Variants in GARNL3 observed in about 807,000 individuals in gnomAD.
The protein encoded by GARNL3 is GTPase-activating Rap/Ran-GAP domain-like protein 3.
GARNL3 carries 63 observed loss-of-function variants against 125.0 expected under a neutral mutation model. The ratio of observed to expected loss-of-function variants is 0.50; its 90% CI spans 0.41 to 0.62. GARNL3 has a LOEUF of 0.62. GARNL3 is among the 20% of genes least tolerant of loss of function. The probability of loss-of-function intolerance (pLI) is 0.00; values close to 1 mark genes in which losing one functional copy is unlikely to be tolerated. For synonymous variants in GARNL3, 439 were observed against 457.5 expected (o/e 0.96, Z 0.52); for missense variants, 994 against 1,244.0 (o/e 0.80, Z 3.02).
rs150936169 is a variant in GARNL3, at chr9:127,385,120, C to T, written c.2363C>T (p.Pro788Leu). The part of the protein sequence containing the change: ...NGNLVHTAVV[P>L]QLQLVASRSD... ...AACCTGGTCCACACTGCAGTCGTGC[C>T]GCAGCTGCAGCTGGTGGCCTCCAGG... The change falls in exon 24 of 28, where the codon CCG (proline) becomes CTG (leucine). Residue 788 changes from proline (P) to leucine (L), a missense_variant. Pro to Leu is a moderately conservative substitution (Grantham distance 98). Around this residue, in one of 5 missense-constraint regions of GARNL3, gnomAD observed 728 missense variants for 865.7 expected, o/e 0.84. Coordinates refer to ENST00000373387, the MANE Select transcript of GARNL3 (RefSeq NM_032293.5). This position sits in a 1 kb window ranked among gnomAD's most constrained non-coding sequence, Gnocchi z 4.1. 27 of 1,607,180 alleles carry T rather than the reference C, an allele frequency of 1.7e-5. No homozygotes were observed. Among genetic ancestry groups the T allele is most frequent in the Non-Finnish European group, 2.2e-5 (26 of 1,175,990 alleles).
chr9:127,250,567 A>C (rs1365656598), intron 2 of GARNL3, among the ~76,000 whole-genome samples: 3 of 152,178 alleles, frequency 2.0e-5, no homozygotes, highest in Non-Finnish European at 1.5e-5. Flanking sequence ...GTATCCATGG[A>C]ACCATGTTCA....
intron 2 of GARNL3, among the ~76,000 whole-genome samples, chr9:127,245,150 A>C (rs1414766648): frequency 6.6e-6 from 1 of 152,230 alleles, no homozygotes; most frequent in Admixed American, 6.5e-5. Context: ...AGCAGGAGTT[A>C]AAGTACCCGC....
At chr9:127,319,125 C>T (rs1170199964) in intron 5 of GARNL3, among the ~76,000 whole-genome samples, 2 of 152,136 alleles carry the variant, frequency 1.3e-5, no homozygotes, top group Non-Finnish European at 2.9e-5. Context: ...ACAACTCATC[C>T]TTACCAAAAT....
intron 12 of GARNL3, among the ~76,000 whole-genome samples, chr9:127,338,838 G>A (rs982009305): frequency 5.3e-4 from 81 of 152,334 alleles, no homozygotes; most frequent in African/African-American, 1.9e-3. Flanking sequence ...AGGGGAAAGC[G>A]AGGTAGTGGC....
chr9:127,321,179 G>A (rs1158946287), intron 6 of GARNL3, among the ~76,000 whole-genome samples: 2 of 152,124 alleles, frequency 1.3e-5, no homozygotes, highest in Non-Finnish European at 2.9e-5. Context: ...TGTGGCCCAG[G>A]CTAGAGTGCA....
At chr9:127,309,054 ATAGC>A (rs2065028428) in intron 2 of GARNL3, among the ~76,000 whole-genome samples, 1 of 152,224 alleles carries the variant, frequency 6.6e-6, no homozygotes, top group Non-Finnish European at 1.5e-5. Flanking sequence ...GTATGTAGCA[ATAGC>A]TAGTTTTTTA....
rs745331884 is a variant in GARNL3 at position 127,248,596 on chromosome 9, CTTTTTTTTTTT to C, written c.143+5363_143+5373del. Among the ~76,000 whole-genome samples, 5 of 74,590 alleles carry C rather than the reference CTTTTTTTTTTT, an allele frequency of 6.7e-5. No homozygotes were observed. The East Asian group carries it at 1.0e-3, about 15-fold the overall frequency. 48.9% of individuals were successfully genotyped at this position (74,590 alleles called of 152,430 possible). A position where few individuals can be genotyped will look rare whatever the true frequency, so the allele number is the denominator to read the frequency against. On this transcript the variant is annotated intron_variant, in intron 2 of 10. Transcript: ENST00000439286. The stretch of plus-strand genomic sequence containing the variant: ...TTATTTTCTTCTGCTTTTTTCTTTT[CTTTTTTTTTTT>C]TTTTTTTTTTTTTTTGTTGAGACAG...
intron 1 of GARNL3, among the ~76,000 whole-genome samples, chr9:127,234,598 G>A (rs138464609): frequency 9.4e-4 from 143 of 152,320 alleles, no homozygotes; most frequent in Non-Finnish European, 1.7e-3. Context: ...AGAGATTTAC[G>A]AAGAAGGCTA....
intron 2 of GARNL3, among the ~76,000 whole-genome samples, chr9:127,247,342 T>C (rs2063321913): frequency 6.6e-6 from 1 of 152,164 alleles, no homozygotes; most frequent in East Asian, 1.9e-4. Context: ...AAAGAGAATA[T>C]ATGGGTTCAT....
intron 17 of GARNL3, among the ~76,000 whole-genome samples, chr9:127,351,367 A>C (rs1830415243): frequency 6.6e-6 from 1 of 152,194 alleles, no homozygotes; most frequent in Non-Finnish European, 1.5e-5. Context: ...AGTCGCCTTC[A>C]ACAGGATGGT....
intron 16 of GARNL3, 35 bp from the exon 17 acceptor site, chr9:127,348,889 T>C (rs1417893361): frequency 2.1e-6 from 3 of 1,426,466 alleles, no homozygotes; most frequent in Non-Finnish European, 2.9e-6. Flanking sequence ...TTTTTTCTGG[T>C]GCACTTATCT....
chr9:127,359,537 A>G (rs1830872792), intron 21 of GARNL3, among the ~76,000 whole-genome samples: 1 of 152,076 alleles, frequency 6.6e-6, no homozygotes, highest in South Asian at 2.1e-4. Context: ...AAAACTGTGT[A>G]AGCAGCCAAA....
intron 2 of GARNL3, among the ~76,000 whole-genome samples, chr9:127,250,398 C>G (rs916453988): frequency 1.3e-5 from 2 of 152,312 alleles, no homozygotes; most frequent in African/African-American, 4.8e-5. Context: ...GGCCTGGTGA[C>G]TGAGTAGATG....
At chr9:127,382,043 G>C (rs1450038278) in intron 22 of GARNL3, among the ~76,000 whole-genome samples, 1 of 152,190 alleles carries the variant, frequency 6.6e-6, no homozygotes, top group East Asian at 1.9e-4. Flanking sequence ...GCTCATGCCT[G>C]TAATCCCAGC....
At chr9:127,225,914 C>A (rs1444007975) in intron 1 of GARNL3, among the ~76,000 whole-genome samples, 18 of 151,942 alleles carry the variant, frequency 1.2e-4, no homozygotes. Flanking sequence ...TCCCCCGGGG[C>A]CTCTCACGGG....
intron 22 of GARNL3, among the ~76,000 whole-genome samples, chr9:127,379,634 T>A (rs1832133074): frequency 6.6e-6 from 1 of 152,176 alleles, no homozygotes; most frequent in African/African-American, 2.4e-5. Flanking sequence ...TGTTACAACA[T>A]CATTTATAAA....
At chr9:127,305,803 T>C (rs963123667) in intron 2 of GARNL3, among the ~76,000 whole-genome samples, 7 of 152,186 alleles carry the variant, frequency 4.6e-5, no homozygotes, top group African/African-American at 1.7e-4. Flanking sequence ...TCTAACTATG[T>C]TACCCAGGCT....
intron 1 of GARNL3, among the ~76,000 whole-genome samples, chr9:127,238,509 T>G (rs986443097): frequency 6.6e-6 from 1 of 152,136 alleles, no homozygotes; most frequent in Non-Finnish European, 1.5e-5. Context: ...ACTGTGTGCT[T>G]CTCAGGGCTG....
intron 6 of GARNL3, among the ~76,000 whole-genome samples, chr9:127,323,725 C>A (rs2065474147): frequency 6.9e-6 from 1 of 145,702 alleles, no homozygotes; most frequent in Admixed American, 6.7e-5. Flanking sequence ...ATTCCTCCAC[C>A]TGTGATTCAG....
Sources: allele counts gnomAD v4.1 joint callset (sites outside exome capture counted in the v4.1 genomes callset), GRCh38; gene constraint gnomAD v4.1.1; regional missense constraint gnomAD v4.1.1; non-coding constraint Gnocchi (gnomAD v3.1); transcripts MANE v1.5; gene names NCBI Gene and HGNC (gene_info 2026-07-23, HGNC 2026-07-21).